MYO3B: variants seen among roughly 807,000 people sequenced by gnomAD.
The protein encoded by MYO3B is myosin IIIB, also known as myosin-IIIb.
MYO3B carries 156 observed loss-of-function variants against 174.6 expected under a neutral mutation model. The ratio of observed to expected loss-of-function variants is 0.89; its 90% CI spans 0.78 to 1.02. The LOEUF (loss-of-function observed/expected upper bound fraction) is 1.02, where lower values mean the gene tolerates loss of function less well. Among genes scored for constraint, MYO3B ranks in the 50% least tolerant of loss-of-function variants. MYO3B has a pLI of 0.00. For synonymous variants in MYO3B, 563 were observed against 569.1 expected (o/e 0.99, Z 0.15); for missense variants, 1,632 against 1,639.4 (o/e 1.00, Z 0.08).
Position 170,514,913 on chromosome 2 carries a change from T to C in MYO3B, c.3371-8T>C, listed in dbSNP as rs1688209658. On this transcript the variant is annotated splice_polypyrimidine_tract_variant and splice_region_variant and intron_variant, in intron 28 of 34. Transcript: ENST00000408978. Reference sequence around the variant, plus strand: ...ACCTTGAGAAAGTCTTTTTGTTTCATTCCACAGGGGACACTTCAAACCAAA... The same window carrying C: ...ACCTTGAGAAAGTCTTTTTGTTTCACTCCACAGGGGACACTTCAAACCAAA... 6.2e-7 allele frequency: 1 copy of C among 1,611,662 alleles called. No individual in the cohort carries two copies. Among genetic ancestry groups the C allele is most frequent in the Admixed American group, 1.7e-5 (1 of 59,790 alleles).
At chr2:170,334,634 T>C (rs1281632420) in intron 7 of MYO3B, 1 of 152,184 alleles carries the variant, frequency 6.6e-6, no homozygotes, top group African/African-American at 2.4e-5. Context: ...GGTAATATAG[T>C]CACTTCTGTT....
intron 15 of MYO3B, 72 bp downstream of exon 15, chr2:170,391,690 A>G: frequency 1.1e-6 from 1 of 899,764 alleles, no homozygotes; most frequent in Non-Finnish European, 1.7e-6. Context: ...TTGGAAGTAA[A>G]TGGAGCTGTT....
chr2:170,466,575 A>G lies in MYO3B; in HGVS notation c.2878A>G (p.Asn960Asp), dbSNP rs778117016. The G allele has an allele frequency of 1.2e-6, 2 of 1,614,168 alleles. No homozygotes were observed. The highest frequency in any genetic ancestry group is 1.7e-6 in the Non-Finnish European group (2 of 1,180,032). The change falls in exon 25 of 35, where the codon AAT (asparagine) becomes GAT (aspartate). Residue 960 changes from asparagine to aspartate, a missense_variant. Transcript: ENST00000408978. Reference sequence around the variant, plus strand: ...CCACTTTGTGCGCTGCATTAAACCCAATGATGACCGAGAGGCCCTGCAGTT... The same window carrying G: ...CCACTTTGTGCGCTGCATTAAACCCGATGATGACCGAGAGGCCCTGCAGTT... ...QPHFVRCIKP[N>D]DDREALQFSR...
At chr2:170,214,970 T>G in intron 5 of MYO3B, 142 bp downstream of exon 5, 19 of 632,020 alleles carry the variant, frequency 3.0e-5, no homozygotes, top group South Asian at 5.7e-5. Flanking sequence ...CTGGAGGGGG[T>G]GGGGGCTCCA....
intron 6 of MYO3B, among the ~76,000 whole-genome samples, chr2:170,229,297 C>G (rs1367681513): frequency 6.6e-6 from 1 of 152,200 alleles, no homozygotes; most frequent in Admixed American, 6.5e-5. Context: ...TTTTTGGGCT[C>G]AAGGTCAGCC....
At chr2:170,520,619 G>A (rs1408020358) in intron 30 of MYO3B, among the ~76,000 whole-genome samples, 3 of 152,010 alleles carry the variant, frequency 2.0e-5, no homozygotes, top group African/African-American at 4.8e-5. Context: ...CAAAAAGGGA[G>A]TATCATTTCC....
At chr2:170,410,199 G>GT (rs2105822632) in intron 22 of MYO3B, among the ~76,000 whole-genome samples, 1 of 152,288 alleles carries the variant, frequency 6.6e-6, no homozygotes, top group East Asian at 1.9e-4. Flanking sequence ...CACTAGTTCA[G>GT]TAAGCATATA....
intron 1 of MYO3B, among the ~76,000 whole-genome samples, chr2:170,196,953 A>G (rs539950780): frequency 2.1e-4 from 32 of 151,916 alleles, no homozygotes; most frequent in Non-Finnish European, 3.5e-4. Context: ...AACTTCCCCA[A>G]TTACTCCTGC....
In MYO3B at chr2:170,498,675, T is replaced by C; in HGVS notation, c.3098T>C (p.Leu1033Ser). The C allele has an allele frequency of 6.2e-7, 1 of 1,613,476 alleles. No individual in the cohort carries two copies. The highest frequency in any genetic ancestry group is 8.5e-7 in the Non-Finnish European group (1 of 1,179,392). Reference sequence around the variant, plus strand: ...GTGGCTATCTTGGAAAAGTCCAGATTAGATCACTGGGTACTGGGAAAAACA... The same window carrying C: ...GTGGCTATCTTGGAAAAGTCCAGATCAGATCACTGGGTACTGGGAAAAACA... ...SCVAILEKSR[L>S]DHWVLGKTKV... is the part of the protein sequence containing the mutation. Residue 1033 changes from leucine to serine, a missense_variant, in exon 26 of 35, where the codon TTA becomes TCA. Coordinates refer to ENST00000408978, the MANE Select transcript of MYO3B (RefSeq NM_138995.5).
Position 170,480,943 on chromosome 2 carries a change from T to A in MYO3B, c.3014+14232T>A, listed in dbSNP as rs950445551. ...GCAAAGTGAACTGAATATCATCAGT[T>A]AACATTGTGAAAAGTTCACCTATGA... On this transcript the variant is annotated intron_variant, in intron 25 of 34. Transcript: ENST00000408978. 2.0e-5 allele frequency among the ~76,000 whole-genome samples: 3 copies of A among 152,202 alleles called. No individual in the cohort carries two copies. The East Asian group carries it at 5.8e-4, about 29-fold the overall frequency.
chr2:170,580,182 T>G (rs73029098), intron 32 of MYO3B, among the ~76,000 whole-genome samples: 32 of 151,848 alleles, frequency 2.1e-4, no homozygotes, highest in Non-Finnish European at 4.1e-4. Flanking sequence ...CATAAAGGCA[T>G]GTCTAATAGT....
intron 1 of MYO3B, among the ~76,000 whole-genome samples, chr2:170,182,338 C>T (rs2092410993): frequency 6.6e-6 from 1 of 152,066 alleles, no homozygotes; most frequent in South Asian, 2.1e-4. Flanking sequence ...TCTGAACAGC[C>T]AGCAAGTTAA....
chr2:170,340,595 T>G (rs1168655036), intron 8 of MYO3B: 1 of 152,148 alleles, frequency 6.6e-6, no homozygotes, highest in Non-Finnish European at 1.5e-5. Flanking sequence ...GAAAACTACT[T>G]TTGTGGTTAG....
intron 7 of MYO3B, among the ~76,000 whole-genome samples, chr2:170,282,802 T>A (rs2093522757): frequency 6.6e-6 from 1 of 152,148 alleles, no homozygotes; most frequent in Admixed American, 6.5e-5. Context: ...ATTCTTAAAG[T>A]GCATGCAAAC....
chr2:170,490,024 TTTTC>T (rs1392642457), intron 25 of MYO3B, among the ~76,000 whole-genome samples: 4 of 149,308 alleles, frequency 2.7e-5, no homozygotes, highest in Non-Finnish European at 5.9e-5. Context: ...TTTCAGTTTC[TTTTC>T]TTTCTTTTTT....
chr2:170,531,433 A>G (rs541119190), intron 30 of MYO3B, among the ~76,000 whole-genome samples: 1 of 152,290 alleles, frequency 6.6e-6, no homozygotes, highest in East Asian at 1.9e-4. Context: ...TCATAAACGC[A>G]CTTATTTTCT....
rs1692685162 is a variant in MYO3B, at chr2:170,574,824, CCT to C, written c.3733+30837_3733+30838del. Among the ~76,000 whole-genome samples, 9 of 152,234 alleles carry C rather than the reference CCT, an allele frequency of 5.9e-5. No homozygotes were observed. The South Asian group carries it at 1.9e-3, about 32-fold the overall frequency. The stretch of plus-strand genomic sequence containing the variant: ...TCTTTTAGTTCCTAGAACTCTTACC[CCT>C]GTTTCACTGAAGAGGAAATATGCTC... On this transcript the variant is annotated intron_variant, in intron 32 of 34. Coordinates refer to ENST00000408978, the MANE Select transcript of MYO3B (RefSeq NM_138995.5).
At chr2:170,621,051 G>A (rs1695872449) in intron 32 of MYO3B, among the ~76,000 whole-genome samples, 1 of 151,992 alleles carries the variant, frequency 6.6e-6, no homozygotes, top group Non-Finnish European at 1.5e-5. Context: ...ACTGTGCCTG[G>A]CTAATTTTTG....
At chr2:170,196,992 A>G (rs1218210948) in intron 1 of MYO3B, among the ~76,000 whole-genome samples, 1 of 151,290 alleles carries the variant, frequency 6.6e-6, no homozygotes, top group African/African-American at 2.4e-5. Context: ...TGAACCTAGG[A>G]TCGGTCTTTT....
Sources: allele counts gnomAD v4.1 joint callset (sites outside exome capture counted in the v4.1 genomes callset), GRCh38; gene constraint gnomAD v4.1.1; transcripts MANE v1.5; gene names NCBI Gene and HGNC (gene_info 2026-07-23, HGNC 2026-07-21).